CADM1: variants seen among roughly 807,000 people sequenced by gnomAD.
The protein encoded by CADM1 is cell adhesion molecule 1.
A neutral mutation model predicts 53.1 loss-of-function variants in CADM1; 15 were observed. The observed-to-expected ratio is 0.28, with a 90% CI of 0.19 to 0.44. The LOEUF is 0.44. CADM1 is among the 20% of genes least tolerant of loss of function. The pLI is 1.00. For missense variants in CADM1, 434 were observed against 611.3 expected (o/e 0.71, Z 3.06); for synonymous variants, 281 against 243.0 (o/e 1.16, Z -1.45).
chr11:115,169,941 C>T lies in CADM1; in HGVS notation c.*6533G>A, dbSNP rs910038558. The T allele has an allele frequency of 1.4e-5, 3 of 212,334 alleles. No homozygotes were observed. Among genetic ancestry groups the T allele is most frequent in the African/African-American group, 2.3e-5 (1 of 43,892 alleles). The allele number at this position is 212,334 out of a possible 1,614,324, so 13.2% of individuals were successfully genotyped here. A position where few individuals can be genotyped will look rare whatever the true frequency, so the allele number is the denominator to read the frequency against. ...TATTAAAGGCCTGCATTAGGCTCTT[C>T]CAACACCAGCTCTGGAAGACTGAAA... is the stretch of plus-strand genomic sequence containing the variant. On this transcript the variant is annotated 3_prime_UTR_variant, in exon 12 of 12. Transcript: ENST00000331581.
chr11:115,396,651 T>G (rs1379545577), intron 1 of CADM1: 1 of 152,226 alleles, frequency 6.6e-6, no homozygotes, highest in Non-Finnish European at 1.5e-5. Context: ...TGCAGTGAAG[T>G]CACAATACAT....
At chr11:115,411,722 A>G (rs1196785292) in intron 1 of CADM1, among the ~76,000 whole-genome samples, 1 of 152,092 alleles carries the variant, frequency 6.6e-6, no homozygotes, top group Non-Finnish European at 1.5e-5. Context: ...GTTGGAGTGC[A>G]ATGGCACAAT....
At chr11:115,423,605 C>T (rs1044791710) in intron 1 of CADM1, among the ~76,000 whole-genome samples, 2 of 152,146 alleles carry the variant, frequency 1.3e-5, no homozygotes, top group South Asian at 4.1e-4. Flanking sequence ...TTTATCCTTG[C>T]ATCATAGTTC....
At chr11:115,436,677 C>CAG (rs1382542321) in intron 1 of CADM1, among the ~76,000 whole-genome samples, 1 of 152,186 alleles carries the variant, frequency 6.6e-6, no homozygotes, top group Non-Finnish European at 1.5e-5. Flanking sequence ...AGAATGAGGG[C>CAG]AGACACATGC....
At chr11:115,268,953 C>G (rs545516933) in intron 1 of CADM1, among the ~76,000 whole-genome samples, 23 of 152,224 alleles carry the variant, frequency 1.5e-4, no homozygotes, top group African/African-American at 5.5e-4. Context: ...CCATATTGCG[C>G]TCTTCTGGTT....
intron 3 of CADM1, among the ~76,000 whole-genome samples, chr11:115,236,941 A>T (rs1942030278): frequency 6.6e-6 from 1 of 152,200 alleles, no homozygotes; most frequent in South Asian, 2.1e-4. Context: ...TGAAAACAAC[A>T]TATAAATACG....
At chr11:115,347,476 C>T (rs2135045754) in intron 1 of CADM1, among the ~76,000 whole-genome samples, 2 of 152,280 alleles carry the variant, frequency 1.3e-5, no homozygotes, top group South Asian at 4.2e-4. Context: ...GAGGCCATTT[C>T]AGACTTTTCT....
chr11:115,425,569 T>C (rs1947869067), intron 1 of CADM1, among the ~76,000 whole-genome samples: 1 of 152,236 alleles, frequency 6.6e-6, no homozygotes, highest in Admixed American at 6.5e-5. Context: ...GCTTTGGGCA[T>C]TAAATACTGT....
At chr11:115,483,170 G>A (rs967406141) in intron 1 of CADM1, among the ~76,000 whole-genome samples, 1 of 152,088 alleles carries the variant, frequency 6.6e-6, no homozygotes, top group Non-Finnish European at 1.5e-5. Flanking sequence ...AAAATTATAC[G>A]TTCAGTATAA....
chr11:115,229,829 T>C lies in CADM1; in HGVS notation c.563-558A>G, dbSNP rs937595334. Among the ~76,000 whole-genome samples the C allele has an allele frequency of 4.6e-5, 7 of 152,138 alleles. No individual in the cohort carries two copies. In the South Asian group the frequency reaches 1.4e-3, roughly 32 times the overall value. On this transcript the variant is annotated intron_variant, in intron 4 of 11. Transcript: ENST00000331581. Reference sequence around the variant, plus strand: ...CTAAATGGATTTACATAATTGAAATTGTAATTGAAATGTTTAAACTCTGAG... The same window carrying C: ...CTAAATGGATTTACATAATTGAAATCGTAATTGAAATGTTTAAACTCTGAG...
At chr11:115,439,331 C>T (rs1948256128) in intron 1 of CADM1, among the ~76,000 whole-genome samples, 1 of 152,142 alleles carries the variant, frequency 6.6e-6, no homozygotes, top group African/African-American at 2.4e-5. Context: ...AGATAGGTGT[C>T]CATCTCAGAT....
At chr11:115,487,647 T>C (rs1949406036) in intron 1 of CADM1, among the ~76,000 whole-genome samples, 1 of 152,176 alleles carries the variant, frequency 6.6e-6, no homozygotes, top group South Asian at 2.1e-4. Flanking sequence ...GCTTGAGGAA[T>C]AATAATTCAA....
chr11:115,178,359 C>T (rs1939135842), intron 11 of CADM1, among the ~76,000 whole-genome samples: 1 of 152,126 alleles, frequency 6.6e-6, no homozygotes, highest in African/African-American at 2.4e-5. Context: ...TTTCCTCTAT[C>T]CCCAATTATG....
chr11:115,484,723 G>A (rs898653515), intron 1 of CADM1, among the ~76,000 whole-genome samples: 14 of 152,046 alleles, frequency 9.2e-5, no homozygotes, highest in African/African-American at 2.2e-4. Context: ...CGAGGCGGGC[G>A]GATCACAAGG....
intron 1 of CADM1, among the ~76,000 whole-genome samples, chr11:115,390,996 T>C (rs558655638): frequency 1.3e-5 from 2 of 152,308 alleles, no homozygotes; most frequent in Admixed American, 6.5e-5. Flanking sequence ...AGATTTCAAA[T>C]TGAATCCATT....
At chr11:115,362,776 G>T (rs774105798) in intron 1 of CADM1, among the ~76,000 whole-genome samples, 3 of 152,202 alleles carry the variant, frequency 2.0e-5, no homozygotes, top group Admixed American at 6.5e-5. Context: ...AAGCAATGAG[G>T]TTATTGAGTA....
intron 1 of CADM1, among the ~76,000 whole-genome samples, chr11:115,425,593 C>T (rs1947869524): frequency 6.6e-6 from 1 of 152,194 alleles, no homozygotes; most frequent in Non-Finnish European, 1.5e-5. Context: ...TTTAACTACA[C>T]CTATCACTCA....
chr11:115,193,208 C>T (rs1400384893), intron 9 of CADM1, among the ~76,000 whole-genome samples: 3 of 152,206 alleles, frequency 2.0e-5, no homozygotes, highest in Admixed American at 6.5e-5. Flanking sequence ...CAAAAGGAGA[C>T]TTCACTCTAA....
intron 10 of CADM1, among the ~76,000 whole-genome samples, chr11:115,185,697 T>C (rs1043189150): frequency 6.6e-6 from 1 of 152,232 alleles, no homozygotes; most frequent in Admixed American, 6.5e-5. Context: ...CATCTCATGA[T>C]AGCACAGATT....
Sources: allele counts gnomAD v4.1 joint callset (sites outside exome capture counted in the v4.1 genomes callset), GRCh38; gene constraint gnomAD v4.1.1; transcripts MANE v1.5; gene names NCBI Gene and HGNC (gene_info 2026-07-23, HGNC 2026-07-21).